The following RSRC1 variants were observed in gnomAD, a reference collection of about 807,000 sequenced individuals.
RSRC1 encodes arginine and serine rich coiled-coil 1.
Under a neutral mutation model 49.1 loss-of-function variants are expected in RSRC1, and 39 were observed. The observed-to-expected ratio is 0.79, with a 90% CI of 0.61 to 1.04. RSRC1 has a LOEUF of 1.04. RSRC1 is among the 50% of genes least tolerant of loss of function. RSRC1 has a pLI of 0.00. For synonymous variants in RSRC1, 143 were observed against 130.8 expected (o/e 1.09, Z -0.63); for missense variants, 388 against 402.4 (o/e 0.96, Z 0.31).
At position 158,356,512 on chromosome 3, in the gene RSRC1, T is replaced by G. The variant is rs953764637; in HGVS notation, c.583+1604T>G. ...TGAAGTGTCTCTATACTCCTCCTTA[T>G]TACTCTAAAAATAATTCATAGTTTA... On this transcript the variant is annotated intron_variant, in intron 6 of 9. Coordinates refer to ENST00000611884, the MANE Select transcript of RSRC1 (RefSeq NM_001271838.2). Among the ~76,000 whole-genome samples the G allele has an allele frequency of 5.9e-5, 9 of 151,910 alleles. No homozygotes were observed. In the East Asian group the frequency reaches 1.7e-3, roughly 29 times the overall value.
intron 4 of RSRC1, among the ~76,000 whole-genome samples, chr3:158,209,517 C>T (rs1001507298): frequency 2.6e-5 from 4 of 151,988 alleles, no homozygotes; most frequent in East Asian, 3.9e-4. Context: ...ATGCTTTCTT[C>T]GTAATTTGAA....
chr3:158,489,120 G>C (rs1738955029), intron 7 of RSRC1, among the ~76,000 whole-genome samples: 1 of 152,096 alleles, frequency 6.6e-6, no homozygotes, highest in Admixed American at 6.5e-5. Context: ...TTTACCACTT[G>C]GTAGTGGAGT....
intron 3 of RSRC1, among the ~76,000 whole-genome samples, chr3:158,180,672 G>T (rs1019709147): frequency 1.3e-5 from 2 of 151,332 alleles, no homozygotes. Flanking sequence ...TCGCCATGTC[G>T]TCCAGGCTGG....
intron 7 of RSRC1, among the ~76,000 whole-genome samples, chr3:158,494,764 T>C (rs1739238374): frequency 6.6e-6 from 1 of 152,168 alleles, no homozygotes; most frequent in Admixed American, 6.5e-5. Context: ...TAGCCTAAGC[T>C]TTCACAGGGT....
intron 6 of RSRC1, among the ~76,000 whole-genome samples, chr3:158,445,050 TTGG>T (rs1736618334): frequency 6.6e-6 from 1 of 152,308 alleles, no homozygotes; most frequent in African/African-American, 2.4e-5. Context: ...TTTTACACTG[TTGG>T]TGGGACTGTA....
At chr3:158,483,671 A>G (rs1738704473) in intron 7 of RSRC1, among the ~76,000 whole-genome samples, 2 of 152,098 alleles carry the variant, frequency 1.3e-5, no homozygotes, top group Admixed American at 1.3e-4. Context: ...TTTATAGAGC[A>G]AGGAAATAAA....
intron 7 of RSRC1, among the ~76,000 whole-genome samples, chr3:158,503,829 G>T (rs887580840): frequency 4.0e-4 from 61 of 152,122 alleles, no homozygotes; most frequent in African/African-American, 1.4e-3. Flanking sequence ...AAAGGGCTTG[G>T]TTCTTCCCCC....
chr3:158,449,498 G>A (rs1398213254), intron 6 of RSRC1, among the ~76,000 whole-genome samples: 2 of 151,926 alleles, frequency 1.3e-5, no homozygotes, highest in East Asian at 3.9e-4. Context: ...CTCCATGAGG[G>A]AGGATTCTGT....
At chr3:158,489,615 G>T (rs1214519992) in intron 7 of RSRC1, among the ~76,000 whole-genome samples, 1 of 151,840 alleles carries the variant, frequency 6.6e-6, no homozygotes, top group Non-Finnish European at 1.5e-5. Flanking sequence ...AACATGGGTA[G>T]TATTTCAAAT....
At chr3:158,348,032 A>G (rs987413599) in intron 5 of RSRC1, among the ~76,000 whole-genome samples, 2 of 152,190 alleles carry the variant, frequency 1.3e-5, no homozygotes, top group African/African-American at 4.8e-5. Context: ...TGTTACAAAC[A>G]ATTTTAATTT....
intron 6 of RSRC1, among the ~76,000 whole-genome samples, chr3:158,406,642 G>A (rs1201068841): frequency 2.0e-5 from 3 of 152,066 alleles, no homozygotes; most frequent in Non-Finnish European, 4.4e-5. Context: ...TTTAATTAGA[G>A]TAATCAGAAA....
chr3:158,492,558 G>A (rs1433627762), intron 7 of RSRC1, among the ~76,000 whole-genome samples: 1 of 152,142 alleles, frequency 6.6e-6, no homozygotes, highest in Non-Finnish European at 1.5e-5. Flanking sequence ...GGGCTGGGAG[G>A]TGGAGAAATT....
chr3:158,256,074 C>G (rs192144473), intron 4 of RSRC1, among the ~76,000 whole-genome samples: 1 of 152,036 alleles, frequency 6.6e-6, no homozygotes. Flanking sequence ...GTTTGATTGC[C>G]CTGGCCAGAA....
Position 158,298,061 on chromosome 3 carries a change from G to A in RSRC1, c.517G>A (p.Gly173Arg). The A allele has an allele frequency of 6.2e-7, 1 of 1,605,192 alleles. No individual in the cohort carries two copies. The highest frequency in any genetic ancestry group is 8.5e-7 in the Non-Finnish European group (1 of 1,172,832). ...KRGESGNIKA[G>R]LEHLPPAEQA... The stretch of plus-strand genomic sequence containing the variant: ...TAGGGAATCTGGAAACATCAAAGCT[G>A]GATTAGAACATCTGGTAAGTTCTCA... The change falls in exon 5 of 10, where the codon GGA (glycine) becomes AGA (arginine). Residue 173 changes from glycine to arginine, a missense_variant. Physicochemically the swap from Gly to Arg is moderately radical, Grantham distance 125. Transcript: ENST00000611884.
intron 4 of RSRC1, among the ~76,000 whole-genome samples, chr3:158,213,579 CAAT>C (rs1721803106): frequency 6.6e-6 from 1 of 151,918 alleles, no homozygotes; most frequent in South Asian, 2.1e-4. Flanking sequence ...GGAAATACAA[CAAT>C]GAGTACTGCT....
At chr3:158,274,754 A>T (rs1005354440) in intron 4 of RSRC1, among the ~76,000 whole-genome samples, 3 of 152,232 alleles carry the variant, frequency 2.0e-5, no homozygotes, top group Non-Finnish European at 4.4e-5. Flanking sequence ...AAGTGGACAC[A>T]CAAGTGATGG....
chr3:158,249,029 T>C (rs1724062203), intron 4 of RSRC1, among the ~76,000 whole-genome samples: 1 of 152,208 alleles, frequency 6.6e-6, no homozygotes, highest in East Asian at 1.9e-4. Context: ...AGTTCCATTT[T>C]TCTGATACCT....
chr3:158,275,309 T>C (rs1725745482), intron 4 of RSRC1, among the ~76,000 whole-genome samples: 1 of 152,152 alleles, frequency 6.6e-6, no homozygotes, highest in Admixed American at 6.5e-5. Flanking sequence ...CCCAGATTTG[T>C]CCCCATAATT....
At chr3:158,253,388 CTCT>C (rs982548618) in intron 4 of RSRC1, among the ~76,000 whole-genome samples, 12 of 151,926 alleles carry the variant, frequency 7.9e-5, no homozygotes, top group African/African-American at 2.4e-4. Flanking sequence ...TACAAAATTC[CTCT>C]TCTTTTTGAT....
Sources: allele counts gnomAD v4.1 joint callset (sites outside exome capture counted in the v4.1 genomes callset), GRCh38; gene constraint gnomAD v4.1.1; transcripts MANE v1.5; gene names NCBI Gene and HGNC (gene_info 2026-07-23, HGNC 2026-07-21).